The following GPC5 variants were observed in gnomAD, a reference collection of about 807,000 sequenced individuals.
GPC5 encodes glypican 5, also known as glypican-5.
A neutral mutation model predicts 53.9 loss-of-function variants in GPC5; 47 were observed. That is an observed-to-expected ratio of 0.87 (90% confidence interval 0.69 to 1.11). The LOEUF (loss-of-function observed/expected upper bound fraction) is 1.11. Among genes scored for constraint, GPC5 ranks in the 50% most tolerant of loss-of-function variants. The pLI, the probability that GPC5 is intolerant of heterozygous loss-of-function variation, is 0.00. For missense variants in GPC5, 748 were observed against 713.1 expected, an observed-to-expected ratio of 1.05 and a Z score of -0.56; for synonymous variants, 286 against 263.3, an observed-to-expected ratio of 1.09 and a Z score of -0.84.
chr13:91,572,176 TATACGTGTGTATACAC>T (rs1566517407), intron 2 of GPC5, among the ~76,000 whole-genome samples: 4 of 69,648 alleles, frequency 5.7e-5, no homozygotes, highest in Admixed American at 1.6e-4. Flanking sequence ...CATATGTATA[TATACGTGTGTATACAC>T]ACACATATGT....
intron 2 of GPC5, among the ~76,000 whole-genome samples, chr13:91,530,896 A>G (rs1306874397): frequency 6.6e-6 from 1 of 152,202 alleles, no homozygotes; most frequent in Non-Finnish European, 1.5e-5. Flanking sequence ...TTTTAGCACG[A>G]AATCTTATTT....
chr13:92,298,078 T>TA (rs1234895839), intron 7 of GPC5, among the ~76,000 whole-genome samples: 1 of 152,038 alleles, frequency 6.6e-6, no homozygotes, highest in Non-Finnish European at 1.5e-5. Flanking sequence ...TCCACTGTGT[T>TA]ATGCAGGTTG....
At chr13:92,710,734 A>C (rs1316841978) in intron 7 of GPC5, among the ~76,000 whole-genome samples, 1 of 152,210 alleles carries the variant, frequency 6.6e-6, no homozygotes, top group Non-Finnish European at 1.5e-5. Context: ...ATAGGTTTTA[A>C]TGAGCTCTTG....
chr13:92,377,535 C>T (rs370716597), intron 7 of GPC5, among the ~76,000 whole-genome samples: 1 of 152,072 alleles, frequency 6.6e-6, no homozygotes, highest in Admixed American at 6.6e-5. Flanking sequence ...TGGAATGCAT[C>T]GAGCAAGGAT....
intron 5 of GPC5, among the ~76,000 whole-genome samples, chr13:91,851,806 C>T (rs1338275527): frequency 7.1e-6 from 1 of 140,952 alleles, no homozygotes; most frequent in Non-Finnish European, 1.5e-5. Context: ...CAATTTCATC[C>T]ATGTCCCTAC....
intron 7 of GPC5, among the ~76,000 whole-genome samples, chr13:92,525,386 T>C (rs1881232032): frequency 6.6e-6 from 1 of 151,278 alleles, no homozygotes; most frequent in African/African-American, 2.4e-5. Context: ...TACGATTTAA[T>C]ATAATGAAGC....
At chr13:91,495,868 C>T (rs377317367) in intron 2 of GPC5, among the ~76,000 whole-genome samples, 10 of 151,738 alleles carry the variant, frequency 6.6e-5, no homozygotes, top group Non-Finnish European at 1.0e-4. Flanking sequence ...ACTAAAAATA[C>T]GAAAATTAGC....
At chr13:92,636,393 G>A (rs1885405894) in intron 7 of GPC5, among the ~76,000 whole-genome samples, 1 of 152,132 alleles carries the variant, frequency 6.6e-6, no homozygotes, top group Non-Finnish European at 1.5e-5. Context: ...TTATTTTGCT[G>A]AGCGTAGCTA....
intron 7 of GPC5, among the ~76,000 whole-genome samples, chr13:92,856,541 A>C (rs192368869): frequency 8.8e-4 from 134 of 152,266 alleles, no homozygotes; most frequent in African/African-American, 3.1e-3. Context: ...GAGGAAGTCA[A>C]ATTATCTCTC....
At chr13:91,893,147 G>C (rs1197205778) in intron 5 of GPC5, among the ~76,000 whole-genome samples, 2 of 151,962 alleles carry the variant, frequency 1.3e-5, no homozygotes, top group African/African-American at 4.8e-5. Flanking sequence ...CACAAACAAA[G>C]ATCATTCTGT....
chr13:92,763,918 C>T (rs1482995866), intron 7 of GPC5, among the ~76,000 whole-genome samples: 2 of 152,098 alleles, frequency 1.3e-5, no homozygotes, highest in East Asian at 3.9e-4. Flanking sequence ...CCATATAGTG[C>T]ACTCCGTAGT....
intron 6 of GPC5, among the ~76,000 whole-genome samples, chr13:92,139,379 G>T (rs564044547): frequency 1.3e-5 from 2 of 152,008 alleles, no homozygotes; most frequent in African/African-American, 4.8e-5. Context: ...TTCAAAATAC[G>T]TGTTATGGCT....
chr13:92,467,104 G>C (rs558160928), intron 7 of GPC5, among the ~76,000 whole-genome samples: 1 of 152,078 alleles, frequency 6.6e-6, no homozygotes, highest in Non-Finnish European at 1.5e-5. Context: ...CTTTGTGATC[G>C]GATATGTGAG....
intron 7 of GPC5, among the ~76,000 whole-genome samples, chr13:92,260,469 A>G (rs2042758380): frequency 6.6e-6 from 1 of 152,208 alleles, no homozygotes; most frequent in Non-Finnish European, 1.5e-5. Flanking sequence ...ACTGTTCTGT[A>G]GATCCGCATC....
At chr13:92,260,853 T>G (rs2042761627) in intron 7 of GPC5, among the ~76,000 whole-genome samples, 1 of 152,188 alleles carries the variant, frequency 6.6e-6, no homozygotes, top group South Asian at 2.1e-4. Context: ...TTCTCTTGAC[T>G]TTAGATGTGC....
chr13:92,377,105 G>A (rs2043701516), intron 7 of GPC5, among the ~76,000 whole-genome samples: 1 of 152,102 alleles, frequency 6.6e-6, no homozygotes, highest in Non-Finnish European at 1.5e-5. Flanking sequence ...CTTAGTTCCT[G>A]AATCAATGCC....
chr13:92,341,803 T>A (rs1465139913), intron 7 of GPC5, among the ~76,000 whole-genome samples: 1 of 151,962 alleles, frequency 6.6e-6, no homozygotes, highest in East Asian at 1.9e-4. Context: ...ATAAAAAACG[T>A]AGTATAGTCA....
rs369337500 is a variant in GPC5 at position 92,124,450 on chromosome 13, CA to C, written c.1402-20375del. ...CACAAGAAAGCAGAAAATGACATTG[CA>C]AAAAGGAAAAAAAGTATAGGCAGGA... is the stretch of plus-strand genomic sequence containing the variant. On this transcript the variant is annotated intron_variant, in intron 6 of 7. Coordinates refer to ENST00000377067, the MANE Select transcript of GPC5 (RefSeq NM_004466.6). 5.3e-4 allele frequency among the ~76,000 whole-genome samples: 81 copies of C among 151,498 alleles called. 2 individuals are homozygous for C. The East Asian group carries it at 0.011, about 21-fold the overall frequency.
chr13:91,463,906 A>G (rs548485), intron 2 of GPC5, among the ~76,000 whole-genome samples: 114,413 of 151,978 alleles, frequency 0.75, 46,254 homozygotes, highest in Non-Finnish European at 0.91. Flanking sequence ...AAAAGGGAAA[A>G]TTGGGCCTTG....
Sources: allele counts gnomAD v4.1 joint callset (sites outside exome capture counted in the v4.1 genomes callset), GRCh38; gene constraint gnomAD v4.1.1; transcripts MANE v1.5; gene names NCBI Gene and HGNC (gene_info 2026-07-23, HGNC 2026-07-21).